CNTNAP2: variants seen among roughly 807,000 people sequenced by gnomAD.
CNTNAP2 encodes contactin associated protein 2, also known as contactin-associated protein-like 2.
CNTNAP2 carries 98 observed loss-of-function variants against 155.2 expected under a neutral mutation model. The ratio of observed to expected loss-of-function variants is 0.63; its 90% CI spans 0.54 to 0.75. CNTNAP2 has a LOEUF of 0.75. Ranked by LOEUF, CNTNAP2 falls within the 30% of genes least tolerant of loss-of-function variation. The probability of loss-of-function intolerance (pLI) is 0.00; values close to 1 mark genes in which losing one functional copy is unlikely to be tolerated. For synonymous variants in CNTNAP2, 651 were observed against 631.2 expected (o/e 1.03, Z -0.47); for missense variants, 1,727 against 1,688.1 (o/e 1.02, Z -0.40).
At chr7:146,547,491 C>A (rs1160686431) in intron 1 of CNTNAP2, among the ~76,000 whole-genome samples, 1 of 151,834 alleles carries the variant, frequency 6.6e-6, no homozygotes, top group African/African-American at 2.4e-5. Context: ...TATAACTTAC[C>A]ATCCCTCTTC....
chr7:148,161,463 A>G (rs1329901581), intron 17 of CNTNAP2, among the ~76,000 whole-genome samples: 1 of 152,158 alleles, frequency 6.6e-6, no homozygotes, highest in Non-Finnish European at 1.5e-5. Context: ...GGGCAAAGAA[A>G]AACTCCTGCC....
At chr7:147,191,431 T>G (rs1802678982) in intron 8 of CNTNAP2, among the ~76,000 whole-genome samples, 1 of 152,166 alleles carries the variant, frequency 6.6e-6, no homozygotes, top group African/African-American at 2.4e-5. Flanking sequence ...GTTCATGGGC[T>G]TTACAGGCTG....
At chr7:148,140,421 CTTT>C (rs750371666) in intron 16 of CNTNAP2, among the ~76,000 whole-genome samples, 8 of 135,380 alleles carry the variant, frequency 5.9e-5, no homozygotes, top group Admixed American at 2.2e-4. Flanking sequence ...TTTTCTTTTT[CTTT>C]TTTTTTTTTT....
chr7:146,986,887 T>C (rs1198697138), intron 3 of CNTNAP2, among the ~76,000 whole-genome samples: 1 of 152,174 alleles, frequency 6.6e-6, no homozygotes, highest in Non-Finnish European at 1.5e-5. Flanking sequence ...ACTGTTTTAA[T>C]AAAATAGTTT....
chr7:147,112,850 T>C (rs1166335873), intron 5 of CNTNAP2, among the ~76,000 whole-genome samples: 1 of 152,106 alleles, frequency 6.6e-6, no homozygotes. Context: ...GTTGTTGTTG[T>C]TGTTGTTGTA....
chr7:148,073,770 GT>G (rs547182642), intron 15 of CNTNAP2, among the ~76,000 whole-genome samples: 152 of 146,982 alleles, frequency 1.0e-3, no homozygotes, highest in African/African-American at 2.8e-3. Flanking sequence ...TCTTTTATGT[GT>G]TTTTTTTTTC....
In CNTNAP2 at chr7:146,998,396, G is replaced by A. The variant is rs182995135; in HGVS notation, c.403-45511G>A. 3.3e-3 allele frequency among the ~76,000 whole-genome samples: 502 copies of A among 151,958 alleles called. 1 individual carries two copies. Among genetic ancestry groups the A allele is most frequent in the African/African-American group, 0.011 (468 of 41,496 alleles). On this transcript the variant is annotated intron_variant, in intron 3 of 23. Coordinates refer to ENST00000361727, the MANE Select transcript of CNTNAP2 (RefSeq NM_014141.6). Reference sequence around the variant, plus strand: ...ATGTCACTGTGGTCTGAAAAGATACGTGATATGACTTTAATCTTAAACTTG... The same window carrying A: ...ATGTCACTGTGGTCTGAAAAGATACATGATATGACTTTAATCTTAAACTTG...
At chr7:147,728,939 A>G (rs1330622427) in intron 13 of CNTNAP2, among the ~76,000 whole-genome samples, 1 of 151,204 alleles carries the variant, frequency 6.6e-6, no homozygotes, top group Admixed American at 6.6e-5. Flanking sequence ...AAATAGAAAA[A>G]GAACAAATCA....
At chr7:146,240,618 A>G (rs1457342027) in intron 1 of CNTNAP2, among the ~76,000 whole-genome samples, 1 of 152,002 alleles carries the variant, frequency 6.6e-6, no homozygotes, top group African/African-American at 2.4e-5. Flanking sequence ...ATCACTTCTC[A>G]CAGTGACCTT....
intron 8 of CNTNAP2, among the ~76,000 whole-genome samples, chr7:147,144,096 C>T (rs905731749): frequency 1.1e-4 from 17 of 152,068 alleles, no homozygotes; most frequent in African/African-American, 9.7e-5. Flanking sequence ...CAGTTCTACA[C>T]GATTAAAACA....
chr7:146,856,399 G>A (rs1433964561), intron 3 of CNTNAP2, among the ~76,000 whole-genome samples: 4 of 151,958 alleles, frequency 2.6e-5, no homozygotes. Context: ...GCTTATAGTA[G>A]AATACGAACT....
chr7:147,542,162 C>T (rs1229911066), intron 11 of CNTNAP2, among the ~76,000 whole-genome samples: 1 of 152,140 alleles, frequency 6.6e-6, no homozygotes, highest in African/African-American at 2.4e-5. Context: ...CTATAATAAT[C>T]TAATTAACTA....
At chr7:148,311,751 C>G (rs917519055) in intron 21 of CNTNAP2, among the ~76,000 whole-genome samples, 7 of 152,150 alleles carry the variant, frequency 4.6e-5, no homozygotes, top group Non-Finnish European at 2.9e-5. Context: ...ATAGCATAGC[C>G]TGCCTTTGCT....
chr7:148,022,921 G>A (rs1218430369), intron 15 of CNTNAP2, among the ~76,000 whole-genome samples: 2 of 151,978 alleles, frequency 1.3e-5, no homozygotes, highest in African/African-American at 2.4e-5. Context: ...AGACGCCCCT[G>A]AAGTGCATCC....
rs1317105457 is a variant in CNTNAP2 at position 147,300,157 on chromosome 7, T to C, written c.1365T>C (p.Asp455=). The C allele has an allele frequency of 2.5e-6, 4 of 1,614,068 alleles. No homozygotes were observed. Among genetic ancestry groups the C allele is most frequent in the South Asian group, 1.1e-5 (1 of 91,092 alleles). Residue 455 remains aspartate (D), a synonymous_variant, in exon 9 of 24, where the codon GAT becomes GAC. Transcript: ENST00000361727. ...ACTTACCAGGTTCTGGGTTGAATGA[T>C]GGACAGTGGCACGAGGTTCGCTTCC... ...IDISSGSGLN[D]GQWHEVRFLA...
chr7:147,645,157 T>C (rs1454222375), intron 13 of CNTNAP2, among the ~76,000 whole-genome samples: 1 of 152,178 alleles, frequency 6.6e-6, no homozygotes, highest in East Asian at 1.9e-4. Flanking sequence ...CTGTGTAAAA[T>C]TCAGCATACT....
At chr7:147,887,623 G>T (rs757175913) in intron 13 of CNTNAP2, among the ~76,000 whole-genome samples, 11 of 152,142 alleles carry the variant, frequency 7.2e-5, no homozygotes, top group Non-Finnish European at 1.0e-4. Context: ...TGACCTAAAG[G>T]CTTCTGTCAG....
At chr7:146,794,787 A>G (rs540516508) in intron 2 of CNTNAP2, among the ~76,000 whole-genome samples, 1 of 152,372 alleles carries the variant, frequency 6.6e-6, no homozygotes, top group South Asian at 2.1e-4. Flanking sequence ...AAACAATACA[A>G]GTACTTCAAA....
chr7:147,802,659 G>T (rs997011500), intron 13 of CNTNAP2, among the ~76,000 whole-genome samples: 1 of 151,782 alleles, frequency 6.6e-6, no homozygotes, highest in Non-Finnish European at 1.5e-5. Context: ...ACCTGCAATC[G>T]CAGGCACTCG....
Sources: allele counts gnomAD v4.1 joint callset (sites outside exome capture counted in the v4.1 genomes callset), GRCh38; gene constraint gnomAD v4.1.1; transcripts MANE v1.5; gene names NCBI Gene and HGNC (gene_info 2026-07-23, HGNC 2026-07-21).